GABPB1: variants seen among roughly 807,000 people sequenced by gnomAD.
The protein encoded by GABPB1 is GA binding protein transcription factor subunit beta 1.
A neutral mutation model predicts 45.9 loss-of-function variants in GABPB1; 15 were observed. The observed-to-expected ratio is 0.33, with a 90% CI of 0.22 to 0.50. GABPB1 has a LOEUF of 0.50. Ranked by LOEUF, GABPB1 falls within the 20% of genes least tolerant of loss-of-function variation. The probability of loss-of-function intolerance (pLI) is 0.98; values close to 1 mark genes in which losing one functional copy is unlikely to be tolerated. For missense variants in GABPB1, 252 were observed against 457.5 expected (o/e 0.55, Z 4.10); for synonymous variants, 143 against 154.4 (o/e 0.93, Z 0.55).
At chr15:50,343,783 C>A (rs7183868) in intron 1 of GABPB1, among the ~76,000 whole-genome samples, 3,817 of 152,170 alleles carry the variant, frequency 0.025, 86 homozygotes, top group African/African-American at 0.061. Flanking sequence ...ATGATCTGCC[C>A]GCCTCGGCCT....
chr15:50,335,854 G>A (rs1159268349), intron 1 of GABPB1, among the ~76,000 whole-genome samples: 1 of 139,738 alleles, frequency 7.2e-6, no homozygotes, highest in Non-Finnish European at 1.5e-5. Context: ...CGAGATCATG[G>A]TGCTGCACTC....
Position 50,339,793 on chromosome 15 carries a change from TAAG to T in GABPB1, c.-1+15189_-1+15191del, listed in dbSNP as rs2048285412. ...TAAATTATACCCATACACACTAAACTAAGAAGTAGTAAGGATTTGTCAGTTAGC... is the reference window on the plus strand; with the variant it reads ...TAAATTATACCCATACACACTAAACTAAGTAGTAAGGATTTGTCAGTTAGC... On this transcript the variant is annotated intron_variant, in intron 1 of 8. Transcript: ENST00000380877. Among the ~76,000 whole-genome samples, 6 of 152,300 alleles carry T rather than the reference TAAG, an allele frequency of 3.9e-5. No individual in the cohort carries two copies. The South Asian group carries it at 1.2e-3, about 32-fold the overall frequency.
At chr15:50,324,637 C>T (rs1194269439) in intron 1 of GABPB1, among the ~76,000 whole-genome samples, 2 of 151,306 alleles carry the variant, frequency 1.3e-5, no homozygotes, top group Non-Finnish European at 2.9e-5. Context: ...CTCCGCCTCC[C>T]GAGTTCAAGC....
chr15:50,343,050 C>G (rs1199782117), intron 1 of GABPB1, among the ~76,000 whole-genome samples: 6 of 152,180 alleles, frequency 3.9e-5, no homozygotes, highest in Admixed American at 3.9e-4. Flanking sequence ...CAGGCGCCCA[C>G]CACCACACCC....
At chr15:50,344,883 G>A (rs1235634261) in intron 1 of GABPB1, among the ~76,000 whole-genome samples, 1 of 151,982 alleles carries the variant, frequency 6.6e-6, no homozygotes, top group Non-Finnish European at 1.5e-5. Context: ...AGTATGCATC[G>A]CAGACTACTT....
At chr15:50,340,599 T>G (rs1412995501) in intron 1 of GABPB1, among the ~76,000 whole-genome samples, 1 of 151,484 alleles carries the variant, frequency 6.6e-6, no homozygotes, top group Non-Finnish European at 1.5e-5. Flanking sequence ...GCTCTCCACT[T>G]GCTTTTCTTG....
chr15:50,278,565 T>C lies in GABPB1; in HGVS notation c.*67A>G. ...CTGTATTCCCATGGCTGTACCTTTGTTGTGTACAGTTCAAGATTGTATTCT... is the reference window on the plus strand; with the variant it reads ...CTGTATTCCCATGGCTGTACCTTTGCTGTGTACAGTTCAAGATTGTATTCT... On this transcript the variant is annotated 3_prime_UTR_variant, in exon 9 of 9. Transcript: ENST00000380877. The C allele has an allele frequency of 3.0e-6, 4 of 1,341,898 alleles. No homozygotes were observed. The highest frequency in any genetic ancestry group is 2.3e-5 in the East Asian group (1 of 43,304). The allele number at this position is 1,341,898 out of a possible 1,614,324, so 83.1% of individuals were successfully genotyped here.
intron 1 of GABPB1, among the ~76,000 whole-genome samples, chr15:50,323,659 A>C (rs1036402811): frequency 2.6e-5 from 4 of 152,176 alleles, no homozygotes; most frequent in African/African-American, 9.7e-5. Context: ...CAGAAGCTCA[A>C]GACCAGCCTG....
chr15:50,279,317 G>A (rs556545555), intron 8 of GABPB1, among the ~76,000 whole-genome samples: 4 of 152,298 alleles, frequency 2.6e-5, no homozygotes, highest in South Asian at 4.2e-4. Context: ...CACATAGTAA[G>A]AAGTTGGATT....
In GABPB1 at chr15:50,303,005, G is replaced by T; in HGVS notation, c.395C>A (p.Thr132Lys). The stretch of plus-strand genomic sequence containing the variant: ...TGCAGTTTTACAAAATTTACTTTGC[G>T]TGTGTACATCAGCACCATATTTGAT... Reference protein sequence around the residue: ...LLIKYGADVHTQSKFCKTAFD... With the variant: ...LLIKYGADVHKQSKFCKTAFD... The change falls in exon 4 of 9, where the codon ACG (threonine) becomes AAG (lysine). Residue 132 changes from threonine (T) to lysine (K), a missense_variant. This residue lies in a region of GABPB1 where 193 missense variants were observed against 259.9 expected (regional missense o/e 0.74). Coordinates refer to ENST00000380877, the MANE Select transcript of GABPB1 (RefSeq NM_016654.5). The T allele has an allele frequency of 3.7e-6, 6 of 1,613,450 alleles. No individual in the cohort carries two copies. Among genetic ancestry groups the T allele is most frequent in the Non-Finnish European group, 3.4e-6 (4 of 1,179,634 alleles).
Position 50,306,626 on chromosome 15 carries a change from C to CA in GABPB1, c.109-2494dup, listed in dbSNP as rs34344784. On this transcript the variant is annotated intron_variant, in intron 2 of 8. Coordinates refer to ENST00000380877, the MANE Select transcript of GABPB1 (RefSeq NM_016654.5). ...TGGGCAACAGAGCGAAACTCTGTCT[C>CA]AAAAAAAAAAAAAAAAAAATCTTCC... Among the ~76,000 whole-genome samples, 322 of 84,358 alleles carry CA rather than the reference C, an allele frequency of 3.8e-3. 1 individual carries two copies. Among genetic ancestry groups the CA allele is most frequent in the Middle Eastern group, 0.029 (3 of 104 alleles). 55.3% of individuals were successfully genotyped at this position (84,358 alleles called of 152,430 possible).
intron 1 of GABPB1, among the ~76,000 whole-genome samples, chr15:50,325,912 G>GTT (rs11287439): frequency 7.0e-6 from 1 of 142,836 alleles, no homozygotes; most frequent in Non-Finnish European, 1.5e-5. Flanking sequence ...GGTTTTTTTT[G>GTT]TTTTTTTTTT....
At chr15:50,334,899 T>A (rs1433985128) in intron 1 of GABPB1, among the ~76,000 whole-genome samples, 1 of 152,208 alleles carries the variant, frequency 6.6e-6, no homozygotes, top group Non-Finnish European at 1.5e-5. Flanking sequence ...TATTATATGA[T>A]GTTTATCTTT....
intron 1 of GABPB1, chr15:50,354,608 A>G: frequency 2.2e-6 from 1 of 444,556 alleles, no homozygotes; most frequent in Non-Finnish European, 4.5e-6. Flanking sequence ...CGCCCGCAGA[A>G]CCTCCGCTGC....
chr15:50,354,851 C>G lies in GABPB1; in HGVS notation c.-1+134G>C, dbSNP rs894614049. 3.9e-5 allele frequency: 9 copies of G among 229,824 alleles called. No individual in the cohort carries two copies. In the East Asian group the frequency reaches 1.5e-3, roughly 38 times the overall value. 14.2% of individuals were successfully genotyped at this position (229,824 alleles called of 1,614,324 possible). A position where few individuals can be genotyped will look rare whatever the true frequency, so the allele number is the denominator to read the frequency against. ...AGCGGGGCCAGGAGCCCCGGAAACC[C>G]GGCGCCTTAATGCAATAAACAGGAA... On this transcript the variant is annotated intron_variant, in intron 1 of 8. Transcript: ENST00000380877.
intron 3 of GABPB1, 105 bp from the exon 4 acceptor site, chr15:50,303,228 A>G: frequency 1.1e-6 from 1 of 870,990 alleles, no homozygotes; most frequent in Non-Finnish European, 1.7e-6. Flanking sequence ...CAAATAATGT[A>G]GTCAATTATT....
chr15:50,278,802 GT>G lies in GABPB1; in HGVS notation c.1000-19del, dbSNP rs11372405. 2.6e-4 allele frequency: 351 copies of G among 1,362,702 alleles called. No homozygotes were observed. Among genetic ancestry groups the G allele is most frequent in the South Asian group, 1.1e-3 (83 of 72,630 alleles). 84.4% of individuals were successfully genotyped at this position (1,362,702 alleles called of 1,614,324 possible). A position where few individuals can be genotyped will look rare whatever the true frequency, so the allele number is the denominator to read the frequency against. The stretch of plus-strand genomic sequence containing the variant: ...TCTCTCTCCTAATTAAAAGAAGAGG[GT>G]TTTTTTTTTAATTTTTGCAAAAATA... On this transcript the variant is annotated intron_variant, in intron 8 of 8. Coordinates refer to ENST00000380877, the MANE Select transcript of GABPB1 (RefSeq NM_016654.5).
intron 1 of GABPB1, among the ~76,000 whole-genome samples, chr15:50,317,420 AG>A (rs2047376738): frequency 9.2e-6 from 1 of 108,452 alleles, no homozygotes; most frequent in Non-Finnish European, 2.2e-5. Flanking sequence ...AAAAAAAGAA[AG>A]AAAAAAAAAA....
At chr15:50,316,007 G>C (rs1015433648) in intron 1 of GABPB1, among the ~76,000 whole-genome samples, 1 of 152,174 alleles carries the variant, frequency 6.6e-6, no homozygotes, top group African/African-American at 2.4e-5. Context: ...AGGCTGTAGT[G>C]AGCCAAGATT....
Sources: allele counts gnomAD v4.1 joint callset (sites outside exome capture counted in the v4.1 genomes callset), GRCh38; gene constraint gnomAD v4.1.1; regional missense constraint gnomAD v4.1.1; transcripts MANE v1.5; gene names NCBI Gene and HGNC (gene_info 2026-07-23, HGNC 2026-07-21).